SYNDIG1L: variants seen among roughly 807,000 people sequenced by gnomAD.
The protein encoded by SYNDIG1L is synapse differentiation inducing 1 like, also known as synapse differentiation-inducing gene protein 1-like.
SYNDIG1L carries 13 observed loss-of-function variants against 20.1 expected under a neutral mutation model. The observed-to-expected ratio is 0.65, with a 90% CI of 0.42 to 1.03. The LOEUF (loss-of-function observed/expected upper bound fraction) is 1.03. Among genes scored for constraint, SYNDIG1L ranks in the 50% least tolerant of loss-of-function variants. The pLI, the probability that SYNDIG1L is intolerant of heterozygous loss-of-function variation, is 0.00. For missense variants in SYNDIG1L, 294 were observed against 305.1 expected, an observed-to-expected ratio of 0.96 and a Z score of 0.27; for synonymous variants, 128 against 129.3, an observed-to-expected ratio of 0.99 and a Z score of 0.07.
At chr14:74,454,965 T>C in the SYNDIG1L span, among the ~76,000 whole-genome samples, 1 of 152,274 alleles carries the variant, frequency 6.6e-6, no homozygotes, top group East Asian at 1.9e-4. Flanking sequence ...TCTGTGACTG[T>C]AAGTCTACAG....
At chr14:74,431,654 T>C in the SYNDIG1L span, among the ~76,000 whole-genome samples, 1 of 152,136 alleles carries the variant, frequency 6.6e-6, no homozygotes, top group East Asian at 1.9e-4. Flanking sequence ...TTTCCCCCAC[T>C]GTCTACCCCA....
In SYNDIG1L at chr14:74,407,642, G is replaced by A. The variant is rs761488503; in HGVS notation, c.610C>T (p.Arg204Cys). Reference sequence around the variant, plus strand: ...AGTGTGGCTAGGAAGAGGGCCCGGCGGGAGGTGGTGCTGGCCAGGCGGAAG... The same window carrying A: ...AGTGTGGCTAGGAAGAGGGCCCGGCAGGAGGTGGTGCTGGCCAGGCGGAAG... The part of the protein sequence containing the change: ...GDFRLASTTS[R>C]RALFLATLAI... The change falls in exon 4 of 4, where the codon CGC becomes TGC. Residue 204 changes from arginine (R) to cysteine (C), a missense_variant. Physicochemically the swap from Arg to Cys is radical, Grantham distance 180. Coordinates refer to ENST00000331628, the MANE Select transcript of SYNDIG1L (RefSeq NM_001105579.2). 2.5e-6 allele frequency: 4 copies of A among 1,613,838 alleles called. No individual in the cohort carries two copies. Among genetic ancestry groups the A allele is most frequent in the Non-Finnish European group, 3.4e-6 (4 of 1,179,862 alleles).
chr14:74,411,341 G>C (rs2086129245), intron 1 of SYNDIG1L, among the ~76,000 whole-genome samples: 2 of 152,230 alleles, frequency 1.3e-5, no homozygotes, highest in South Asian at 4.1e-4. Context: ...GGGGGCTGCT[G>C]CCGCCCTGAC....
rs373637889 is a variant in SYNDIG1L at position 74,408,080 on chromosome 14, G to A, written c.418-91C>T. The stretch of plus-strand genomic sequence containing the variant: ...GTTTTTTAAAAGGCAATGCCCAGTG[G>A]CCAGTGACATGGAGCAACAAGCAGT... On this transcript the variant is annotated intron_variant, in intron 2 of 3. Transcript: ENST00000331628. 93 of 1,444,252 alleles carry A rather than the reference G, an allele frequency of 6.4e-5. 2 individuals are homozygous for A. Among genetic ancestry groups the A allele is most frequent in the South Asian group, 5.9e-4 (41 of 69,280 alleles). The allele number at this position is 1,444,252 out of a possible 1,614,324, so 89.5% of individuals were successfully genotyped here. A position where few individuals can be genotyped will look rare whatever the true frequency, so the allele number is the denominator to read the frequency against.
At chr14:74,431,955 G>A in the SYNDIG1L span, among the ~76,000 whole-genome samples, 1 of 152,046 alleles carries the variant, frequency 6.6e-6, no homozygotes, top group Non-Finnish European at 1.5e-5. Flanking sequence ...TGGGTTAAGG[G>A]AACCCAAGAG....
At chr14:74,413,267 C>T (rs139088620) in intron 1 of SYNDIG1L, among the ~76,000 whole-genome samples, 2 of 152,178 alleles carry the variant, frequency 1.3e-5, no homozygotes, top group Non-Finnish European at 1.5e-5. Flanking sequence ...TCTGATGGTG[C>T]CTTTAAGCAG....
the SYNDIG1L span, among the ~76,000 whole-genome samples, chr14:74,451,032 A>T: frequency 6.6e-6 from 1 of 152,174 alleles, no homozygotes; most frequent in Non-Finnish European, 1.5e-5. Context: ...TTGTAATTCC[A>T]CTGAAAACTC....
At chr14:74,421,519 A>C (rs2086221340) in intron 1 of SYNDIG1L, among the ~76,000 whole-genome samples, 1 of 152,218 alleles carries the variant, frequency 6.6e-6, no homozygotes, top group South Asian at 2.1e-4. Context: ...GAACTAAAAA[A>C]CAAAAAGGAA....
chr14:74,417,763 G>A (rs2086188219), intron 1 of SYNDIG1L, among the ~76,000 whole-genome samples: 1 of 152,144 alleles, frequency 6.6e-6, no homozygotes, highest in African/African-American at 2.4e-5. Flanking sequence ...TGTGATATGT[G>A]GTAGGCGTGA....
At chr14:74,434,365 T>C in the SYNDIG1L span, among the ~76,000 whole-genome samples, 2 of 151,922 alleles carry the variant, frequency 1.3e-5, no homozygotes, top group Non-Finnish European at 2.9e-5. Context: ...GAGTGACCTC[T>C]ACCCCTGGCC....
At chr14:74,412,208 C>CAGAG (rs1470396672) in intron 1 of SYNDIG1L, among the ~76,000 whole-genome samples, 1 of 152,202 alleles carries the variant, frequency 6.6e-6, no homozygotes, top group Non-Finnish European at 1.5e-5. Flanking sequence ...GTGCCCAAGG[C>CAGAG]AGAGGCCTTG....
the SYNDIG1L span, among the ~76,000 whole-genome samples, chr14:74,461,345 T>C: frequency 1.2e-3 from 189 of 152,196 alleles, no homozygotes; most frequent in African/African-American, 4.1e-3. Flanking sequence ...TACAGCACCT[T>C]CCCCAACATC....
the SYNDIG1L span, among the ~76,000 whole-genome samples, chr14:74,438,704 T>C: frequency 1.3e-5 from 2 of 152,140 alleles, no homozygotes; most frequent in South Asian, 2.1e-4. Context: ...ACCATGAGCA[T>C]AGTTGGAATT....
chr14:74,437,427 T>C, the SYNDIG1L span, among the ~76,000 whole-genome samples: 2 of 152,232 alleles, frequency 1.3e-5, no homozygotes, highest in Admixed American at 1.3e-4. Context: ...AGAAACTTGC[T>C]GTCCACTTCT....
the SYNDIG1L span, among the ~76,000 whole-genome samples, chr14:74,457,442 C>T: frequency 4.6e-5 from 7 of 152,062 alleles, no homozygotes; most frequent in South Asian, 2.1e-4. Context: ...GCCACTCTCC[C>T]GCCCTGCTTC....
chr14:74,422,379 A>G (rs908518112), intron 1 of SYNDIG1L, among the ~76,000 whole-genome samples: 1 of 152,232 alleles, frequency 6.6e-6, no homozygotes, highest in Middle Eastern at 3.4e-3. Flanking sequence ...ATGCCAGCTG[A>G]GTCCCGGAGA....
the SYNDIG1L span, among the ~76,000 whole-genome samples, chr14:74,454,724 C>T: frequency 6.6e-6 from 1 of 152,230 alleles, no homozygotes; most frequent in Non-Finnish European, 1.5e-5. Flanking sequence ...TATAGAACAG[C>T]TGCCTTCAGC....
chr14:74,414,714 G>A (rs1047638220), intron 1 of SYNDIG1L, among the ~76,000 whole-genome samples: 1 of 152,172 alleles, frequency 6.6e-6, no homozygotes, highest in African/African-American at 2.4e-5. Context: ...CACTTACTGA[G>A]TTTTTGACCA....
the SYNDIG1L span, among the ~76,000 whole-genome samples, chr14:74,462,997 G>A: frequency 2.0e-5 from 3 of 152,288 alleles, no homozygotes; most frequent in East Asian, 5.8e-4. Flanking sequence ...ACAAGGCTGA[G>A]AATACCAAGA....
Sources: allele counts gnomAD v4.1 joint callset (sites outside exome capture counted in the v4.1 genomes callset), GRCh38; gene constraint gnomAD v4.1.1; transcripts MANE v1.5; gene names NCBI Gene and HGNC (gene_info 2026-07-23, HGNC 2026-07-21).